ASAP2: variants seen among roughly 807,000 people sequenced by gnomAD.
ASAP2 encodes ArfGAP with SH3 domain, ankyrin repeat and PH domain 2, also known as arf-GAP with SH3 domain, ANK repeat and PH domain-containing protein 2.
ASAP2 carries 45 observed loss-of-function variants against 131.4 expected under a neutral mutation model. That is an observed-to-expected ratio of 0.34 (90% CI 0.27 to 0.44). ASAP2 has a LOEUF of 0.44. Ranked by LOEUF, ASAP2 falls within the 20% of genes least tolerant of loss-of-function variation. The pLI, the probability that ASAP2 is intolerant of heterozygous loss-of-function variation, is 1.00. For synonymous variants in ASAP2, 510 were observed against 503.0 expected (o/e 1.01, Z -0.19); for missense variants, 1,011 against 1,297.0 (o/e 0.78, Z 3.39).
Position 9,327,213 on chromosome 2 carries a change from CT to C in ASAP2, c.601-611del, listed in dbSNP as rs1322663876. ...GGGGACATTCCATTTCAGAGATCAT[CT>C]TCTGACAGCGGAGGGGATGGGGACT... On this transcript the variant is annotated intron_variant, in intron 6 of 27. Transcript: ENST00000281419. Among the ~76,000 whole-genome samples, 19 of 151,106 alleles carry C rather than the reference CT, an allele frequency of 1.3e-4. 1 individual carries two copies. Among genetic ancestry groups the C allele is most frequent in the African/African-American group, 4.6e-4 (19 of 41,258 alleles).
chr2:9,354,283 C>T (rs537206532), intron 12 of ASAP2, among the ~76,000 whole-genome samples: 2 of 152,354 alleles, frequency 1.3e-5, no homozygotes, highest in East Asian at 3.9e-4. Flanking sequence ...CCACAAGCTG[C>T]CCTTCACTGG....
At chr2:9,373,356 G>A (rs922663271) in intron 16 of ASAP2, among the ~76,000 whole-genome samples, 6 of 152,348 alleles carry the variant, frequency 3.9e-5, no homozygotes, top group South Asian at 2.1e-4. Flanking sequence ...ACGCTGCGGC[G>A]TGTCCAGGAG....
chr2:9,209,102 A>G (rs945538144), intron 1 of ASAP2, among the ~76,000 whole-genome samples: 16 of 152,224 alleles, frequency 1.1e-4, no homozygotes, highest in Admixed American at 2.6e-4. Flanking sequence ...GCAGATTACA[A>G]AGAGACTGGA....
chr2:9,278,912 C>T (rs571172361), intron 1 of ASAP2, among the ~76,000 whole-genome samples: 16 of 152,252 alleles, frequency 1.1e-4, no homozygotes, highest in African/African-American at 3.1e-4. Context: ...GGAAGGGGTG[C>T]AGGCACGATA....
At chr2:9,263,723 G>T (rs1189572476) in intron 1 of ASAP2, among the ~76,000 whole-genome samples, 1 of 152,178 alleles carries the variant, frequency 6.6e-6, no homozygotes, top group East Asian at 1.9e-4. Context: ...TTCATAGTGT[G>T]TGTGGGTTTA....
chr2:9,387,580 C>T (rs1255493920), intron 21 of ASAP2, among the ~76,000 whole-genome samples: 2 of 152,100 alleles, frequency 1.3e-5, no homozygotes, highest in Non-Finnish European at 2.9e-5. Flanking sequence ...AGCTGGCCAC[C>T]CTGTGGGGTA....
intron 2 of ASAP2, among the ~76,000 whole-genome samples, chr2:9,286,020 C>T (rs1380316265): frequency 6.6e-6 from 1 of 152,122 alleles, no homozygotes; most frequent in African/African-American, 2.4e-5. Flanking sequence ...AAAACTATTT[C>T]TATTGTAGAT....
At chr2:9,224,815 C>G (rs944195603) in intron 1 of ASAP2, among the ~76,000 whole-genome samples, 1 of 152,196 alleles carries the variant, frequency 6.6e-6, no homozygotes, top group African/African-American at 2.4e-5. Context: ...ATCTTTGGGA[C>G]AGACCTGGGA....
At chr2:9,359,126 C>T (rs1243978087) in intron 15 of ASAP2, among the ~76,000 whole-genome samples, 1 of 152,152 alleles carries the variant, frequency 6.6e-6, no homozygotes, top group Non-Finnish European at 1.5e-5. Flanking sequence ...AAAACAGGAG[C>T]ATTGAGAGTG....
chr2:9,300,969 G>A (rs1000505469), intron 3 of ASAP2, among the ~76,000 whole-genome samples: 6 of 152,342 alleles, frequency 3.9e-5, no homozygotes, highest in South Asian at 4.1e-4. Flanking sequence ...CCAGGCCAGC[G>A]CCGGTGTGGA....
chr2:9,207,381 C>T lies in ASAP2; in HGVS notation c.126+151C>T, dbSNP rs571506825. ...TGCCCGAGACAGAAGCCCTTTGTTC[C>T]CGCCTAGGTGGCTCGGAGGAGATGG... On this transcript the variant is annotated intron_variant, in intron 1 of 27. Transcript: ENST00000281419. The surrounding 1 kb of genome is among the most constrained non-coding windows in gnomAD (Gnocchi z 4.1). The T allele has an allele frequency of 1.7e-6, 2 of 1,162,194 alleles. No homozygotes were observed. Among genetic ancestry groups the T allele is most frequent in the African/African-American group, 1.6e-5 (1 of 61,232 alleles). The allele number at this position is 1,162,194 out of a possible 1,614,324, so 72.0% of individuals were successfully genotyped here.
At chr2:9,370,132 C>G (rs564799467) in intron 16 of ASAP2, among the ~76,000 whole-genome samples, 3 of 152,322 alleles carry the variant, frequency 2.0e-5, no homozygotes, top group South Asian at 2.1e-4. Context: ...GCCACTGTAC[C>G]TGGCCTAGAT....
intron 21 of ASAP2, among the ~76,000 whole-genome samples, chr2:9,386,987 G>A (rs866422304): frequency 4.0e-4 from 61 of 151,854 alleles, no homozygotes; most frequent in African/African-American, 1.3e-3. Context: ...GGCGGATCAC[G>A]AGGTCAGGAG....
intron 1 of ASAP2, among the ~76,000 whole-genome samples, chr2:9,278,505 C>G (rs1388256364): frequency 2.9e-5 from 4 of 137,412 alleles, no homozygotes; most frequent in Non-Finnish European, 6.3e-5. Flanking sequence ...AGAGCGAGAC[C>G]CCTTCTCAAA....
intron 1 of ASAP2, among the ~76,000 whole-genome samples, chr2:9,231,887 C>T (rs1430066688): frequency 1.3e-5 from 2 of 152,042 alleles, no homozygotes; most frequent in Non-Finnish European, 1.5e-5. Flanking sequence ...CCCACTTGAC[C>T]CAGCGGACAC....
At chr2:9,360,675 T>G (rs375082691) in intron 15 of ASAP2, among the ~76,000 whole-genome samples, 1 of 152,220 alleles carries the variant, frequency 6.6e-6, no homozygotes, top group Non-Finnish European at 1.5e-5. Context: ...AAGATGTTCA[T>G]TATATAGTAC....
At chr2:9,238,828 A>C (rs1558256798) in intron 1 of ASAP2, among the ~76,000 whole-genome samples, 2 of 152,128 alleles carry the variant, frequency 1.3e-5, no homozygotes, top group East Asian at 3.8e-4. Flanking sequence ...AACCTGACTG[A>C]CTTGGTGGTT....
intron 1 of ASAP2, among the ~76,000 whole-genome samples, chr2:9,213,322 G>A (rs1661740096): frequency 6.6e-6 from 1 of 152,186 alleles, no homozygotes; most frequent in Non-Finnish European, 1.5e-5. Flanking sequence ...GGGTGTGTGG[G>A]GAGGAGTGGG....
At chr2:9,327,654 C>T (rs970023290) in intron 6 of ASAP2, among the ~76,000 whole-genome samples, 172 bp from the exon 7 acceptor site, 2 of 151,886 alleles carry the variant, frequency 1.3e-5, no homozygotes, top group African/African-American at 2.4e-5. Context: ...TTCATATGGC[C>T]CCAAAATAAA....
Sources: gnomAD v4.1 joint callset for allele counts (sites outside exome capture counted in the v4.1 genomes callset) on GRCh38, gnomAD v4.1.1 for gene constraint, Gnocchi (gnomAD v3.1) non-coding constraint, MANE v1.5 for transcripts, NCBI Gene and HGNC (gene_info 2026-07-23, HGNC 2026-07-21) for gene names.